VWA8: variants seen among roughly 807,000 people sequenced by gnomAD.
VWA8 encodes the protein von Willebrand factor A domain-containing protein 8.
A neutral mutation model predicts 241.5 loss-of-function variants in VWA8; 221 were observed. The ratio of observed to expected loss-of-function variants is 0.91; its 90% CI spans 0.82 to 1.02. The LOEUF (loss-of-function observed/expected upper bound fraction) is 1.02. VWA8 is among the 50% of genes least tolerant of loss of function. VWA8 has a pLI of 0.00. For missense variants in VWA8, 2,322 were observed against 2,328.7 expected (o/e 1.00, Z 0.06); for synonymous variants, 852 against 827.1 (o/e 1.03, Z -0.52).
Position 41,684,933 on chromosome 13 carries a change from G to A in VWA8, c.4327+114C>T. ...TTTTTAGTTACTTCTAAACTTGTCG[G>A]AATGATCAATTTTTATAAGTATGAA... On this transcript the variant is annotated intron_variant, in intron 35 of 44. Transcript: ENST00000379310. 8.3e-6 allele frequency: 8 copies of A among 964,844 alleles called. No homozygotes were observed. The South Asian group carries it at 1.4e-4, about 16-fold the overall frequency. The allele number at this position is 964,844 out of a possible 1,614,324, so 59.8% of individuals were successfully genotyped here. A position where few individuals can be genotyped will look rare whatever the true frequency, so the allele number is the denominator to read the frequency against.
intron 35 of VWA8, among the ~76,000 whole-genome samples, chr13:41,679,039 CCTCCAAACTTA>C: frequency 6.6e-6 from 1 of 152,098 alleles, no homozygotes; most frequent in African/African-American, 2.4e-5. Context: ...GCCAGGTTTC[CCTCCAAACTTA>C]GCCAAGTCCT....
chr13:41,614,608 T>G (rs2044609564), intron 38 of VWA8, among the ~76,000 whole-genome samples: 2 of 152,212 alleles, frequency 1.3e-5, no homozygotes, highest in Non-Finnish European at 2.9e-5. Context: ...AAGAAGGGAT[T>G]AACACTTTAG....
intron 12 of VWA8, chr13:41,865,289 CTTATACAT>C (rs779018034): frequency 2.6e-6 from 1 of 382,428 alleles, no homozygotes; most frequent in East Asian, 9.2e-5. Flanking sequence ...TGTCAATTAC[CTTATACAT>C]TTATCTTTTC....
At chr13:41,736,427 T>G (rs1372197689) in intron 21 of VWA8, among the ~76,000 whole-genome samples, 1 of 152,116 alleles carries the variant, frequency 6.6e-6, no homozygotes, top group African/African-American at 2.4e-5. Flanking sequence ...AAAGACCAAG[T>G]TTTTATCAAA....
intron 34 of VWA8, among the ~76,000 whole-genome samples, chr13:41,689,055 A>T (rs1470106894): frequency 6.6e-6 from 1 of 152,130 alleles, no homozygotes; most frequent in Admixed American, 6.6e-5. Context: ...CATGACAGAA[A>T]ATTACCATCA....
At position 41,801,405 on chromosome 13, in the gene VWA8, CCACTA is replaced by C. The variant is rs201415576; in HGVS notation, c.2063+9815_2063+9819del. 6.0e-3 allele frequency among the ~76,000 whole-genome samples: 917 copies of C among 152,152 alleles called. 12 individuals carry two copies. Among genetic ancestry groups the C allele is most frequent in the African/African-American group, 0.021 (862 of 41,540 alleles). On this transcript the variant is annotated intron_variant, in intron 17 of 44. Coordinates refer to ENST00000379310, the MANE Select transcript of VWA8 (RefSeq NM_015058.2). ...TTAATTTAACTACAAGAAAAACTGT[CCACTA>C]AACTGAGAGGTTATAGAGGGTAATA...
intron 18 of VWA8, among the ~76,000 whole-genome samples, chr13:41,787,123 T>A (rs1268982145): frequency 6.8e-6 from 1 of 147,966 alleles, no homozygotes; most frequent in East Asian, 2.0e-4. Flanking sequence ...TTGGAAAAAG[T>A]ACATTTCTCA....
intron 2 of VWA8, among the ~76,000 whole-genome samples, chr13:41,922,113 C>T (rs908779513): frequency 5.9e-5 from 9 of 151,986 alleles, no homozygotes; most frequent in Middle Eastern, 3.2e-3. Flanking sequence ...AGAACAGAGC[C>T]CTCAGAAATA....
intron 5 of VWA8, 144 bp downstream of exon 5, chr13:41,891,276 A>C: frequency 2.2e-6 from 2 of 928,506 alleles, no homozygotes; most frequent in Non-Finnish European, 3.2e-6. Context: ...GTAAAGCTGT[A>C]AATTCATGAC....
chr13:41,921,392 C>G (rs1316525451), intron 2 of VWA8, among the ~76,000 whole-genome samples: 1 of 152,194 alleles, frequency 6.6e-6, no homozygotes, highest in Non-Finnish European at 1.5e-5. Context: ...CAGGGATGCC[C>G]TCTCTCACCA....
Position 41,896,141 on chromosome 13 carries a change from C to T in VWA8, c.484-4554G>A, listed in dbSNP as rs151171855. Among the ~76,000 whole-genome samples, 956 of 152,134 alleles carry T rather than the reference C, an allele frequency of 6.3e-3. 6 individuals are homozygous for T. The highest frequency in any genetic ancestry group is 0.022 in the African/African-American group (909 of 41,550). On this transcript the variant is annotated intron_variant, in intron 4 of 44. Coordinates refer to ENST00000379310, the MANE Select transcript of VWA8 (RefSeq NM_015058.2). ...AGAAATGTAATGTATGAACAAGAAA[C>T]TCTTGTAAATGAAAGAGGTTAGAGA...
chr13:41,926,413 T>G, intron 2 of VWA8: 1 of 536,150 alleles, frequency 1.9e-6, no homozygotes, highest in Non-Finnish European at 3.6e-6. Context: ...GTGAACATCA[T>G]CCCGGGGGAG....
intron 26 of VWA8, among the ~76,000 whole-genome samples, chr13:41,714,311 T>A (rs1367122646): frequency 6.6e-6 from 1 of 151,972 alleles, no homozygotes; most frequent in Non-Finnish European, 1.5e-5. Context: ...AGTAGCTTAA[T>A]ATGAAGTAAG....
intron 1 of VWA8, 62 bp downstream of exon 1, chr13:41,960,791 G>A (rs1420520540): frequency 2.0e-6 from 3 of 1,464,408 alleles, no homozygotes; most frequent in Non-Finnish European, 2.7e-6. Flanking sequence ...GGGCGGGGGC[G>A]CGCGGGGACC....
chr13:41,580,771 G>C (rs2044377250), intron 42 of VWA8, among the ~76,000 whole-genome samples: 1 of 152,184 alleles, frequency 6.6e-6, no homozygotes, highest in Non-Finnish European at 1.5e-5. Flanking sequence ...GTGTGACCTT[G>C]GGCAAAGCAT....
At chr13:41,782,048 T>C (rs1203208738) in intron 19 of VWA8, among the ~76,000 whole-genome samples, 3 of 152,184 alleles carry the variant, frequency 2.0e-5, no homozygotes, top group Non-Finnish European at 1.5e-5. Flanking sequence ...TGGAAGCAAA[T>C]TTAATCAAGC....
intron 21 of VWA8, among the ~76,000 whole-genome samples, chr13:41,738,012 A>C (rs1202714597): frequency 1.3e-5 from 2 of 152,164 alleles, no homozygotes; most frequent in African/African-American, 2.4e-5. Context: ...AACATTACTC[A>C]TCTCTACAGA....
intron 12 of VWA8, among the ~76,000 whole-genome samples, chr13:41,865,021 T>C (rs922449192): frequency 1.3e-5 from 2 of 148,522 alleles, no homozygotes; most frequent in African/African-American, 4.9e-5. Context: ...GCTAATGTGG[T>C]AAACTTTATG....
At position 41,865,969 on chromosome 13, in the gene VWA8, TG is replaced by T. The variant is rs1254358524; in HGVS notation, c.1279del (p.His427IlefsTer8). 6.2e-7 allele frequency: 1 copy of T among 1,614,128 alleles called. No homozygotes were observed. Among genetic ancestry groups the T allele is most frequent in the African/African-American group, 1.3e-5 (1 of 74,942 alleles). On this transcript the variant is annotated frameshift_variant, in exon 11 of 45. Transcript: ENST00000379310. LOFTEE classifies it high-confidence loss of function. ...ASDRFIQTLS[H>X]KQLQAEMMQS... is the part of the protein sequence containing the mutation. Reference sequence around the variant, plus strand: ...CATCATTTCAGCCTGTAGCTGCTTATGGCTCAAAGTCTGTATGAAACGGTCT... The same window carrying T: ...CATCATTTCAGCCTGTAGCTGCTTATGCTCAAAGTCTGTATGAAACGGTCT...
Sources: gnomAD v4.1 joint callset for allele counts (sites outside exome capture counted in the v4.1 genomes callset) on GRCh38, gnomAD v4.1.1 for gene constraint, MANE v1.5 for transcripts, NCBI Gene and HGNC (gene_info 2026-07-23, HGNC 2026-07-21) for gene names.